Variants in SH3BP5 observed in about 807,000 individuals in gnomAD.
SH3BP5 encodes SH3 domain binding protein 5.
Under a neutral mutation model 43.3 loss-of-function variants are expected in SH3BP5, and 22 were observed. The observed-to-expected ratio is 0.51, with a 90% CI of 0.36 to 0.73. The LOEUF is 0.73. Among genes scored for constraint, SH3BP5 ranks in the 30% least tolerant of loss-of-function variants. SH3BP5 has a pLI of 0.00. For missense variants in SH3BP5, 529 were observed against 586.9 expected, an observed-to-expected ratio of 0.90 and a Z score of 1.02; for synonymous variants, 255 against 225.8, an observed-to-expected ratio of 1.13 and a Z score of -1.16.
chr3:15,328,956 C>T (rs2125145610), intron 2 of SH3BP5, among the ~76,000 whole-genome samples: 1 of 152,164 alleles, frequency 6.6e-6, no homozygotes, highest in East Asian at 1.9e-4. Flanking sequence ...GCTATTGTGA[C>T]TGAGAAATGG....
chr3:15,269,339 T>C (rs1696731674), intron 4 of SH3BP5, among the ~76,000 whole-genome samples: 6 of 152,106 alleles, frequency 3.9e-5, no homozygotes, highest in Admixed American at 2.0e-4. Flanking sequence ...GGGCTGTTCA[T>C]CAAGGTCTCC....
Position 15,257,080 on chromosome 3 carries a change from C to G in SH3BP5, c.923G>C (p.Ser308Thr). The G allele has an allele frequency of 6.2e-7, 1 of 1,614,192 alleles. No homozygotes were observed. Among genetic ancestry groups the G allele is most frequent in the Non-Finnish European group, 8.5e-7 (1 of 1,180,026 alleles). ...CGAGTCATCTTCAGACACAAAGTTG[C>G]TACAGCTGTCATCTTCAAAGGCCTC... ...ASEAFEDDSC[S>T]NFVSEDDSET... The change falls in exon 8 of 9, where the codon AGC becomes ACC. Residue 308 changes from serine to threonine, a missense_variant. This residue lies in a region of SH3BP5 where 369 missense variants were observed against 384.3 expected (regional missense o/e 0.96). Transcript: ENST00000383791.
At chr3:15,280,091 C>T (rs140460552) in intron 3 of SH3BP5, among the ~76,000 whole-genome samples, 13 of 152,158 alleles carry the variant, frequency 8.5e-5, no homozygotes, top group African/African-American at 2.9e-4. Flanking sequence ...ATGACCTGTC[C>T]CCACACTTCC....
At chr3:15,303,672 AC>A (rs547337387) in intron 3 of SH3BP5, among the ~76,000 whole-genome samples, 9 of 151,486 alleles carry the variant, frequency 5.9e-5, no homozygotes, top group Non-Finnish European at 1.3e-4. Flanking sequence ...ATAACAACTC[AC>A]CTGCCAAATC....
At chr3:15,295,909 C>T (rs1040790496) in intron 3 of SH3BP5, among the ~76,000 whole-genome samples, 2 of 152,178 alleles carry the variant, frequency 1.3e-5, no homozygotes, top group African/African-American at 4.8e-5. Flanking sequence ...ACATTCAACC[C>T]TTTGCAGCTA....
intron 5 of SH3BP5, chr3:15,260,179 C>T (rs902629133): frequency 8.0e-6 from 2 of 249,756 alleles, no homozygotes; most frequent in Admixed American, 1.0e-4. Context: ...ATGAAGTTGG[C>T]TCCCCAGGGA....
chr3:15,286,951 TCACGG>T (rs1697282191), intron 3 of SH3BP5, among the ~76,000 whole-genome samples: 1 of 152,182 alleles, frequency 6.6e-6, no homozygotes, highest in East Asian at 1.9e-4. Flanking sequence ...CTCAAGGAGC[TCACGG>T]TTCCAGGGCA....
intron 2 of SH3BP5, among the ~76,000 whole-genome samples, chr3:15,330,053 G>C (rs1310100886): frequency 6.6e-6 from 1 of 152,228 alleles, no homozygotes; most frequent in Non-Finnish European, 1.5e-5. Flanking sequence ...GAGGCGGGGG[G>C]TGAGTTATTA....
Position 15,256,900 on chromosome 3 carries a change from C to T in SH3BP5, c.1103G>A (p.Arg368Gln), listed in dbSNP as rs566960315. The change falls in exon 8 of 9, where the codon CGA (arginine) becomes CAA (glutamine). Residue 368 changes from arginine to glutamine, a missense_variant. This residue lies in a region of SH3BP5 where 369 missense variants were observed against 384.3 expected (regional missense o/e 0.96). Coordinates refer to ENST00000383791, the MANE Select transcript of SH3BP5 (RefSeq NM_004844.5). ...GGAGGAGGCCCCGCTGCATTCACTTCGAGGGCCCAACACTGGGAACATCAT... is the reference window on the plus strand; with the variant it reads ...GGAGGAGGCCCCGCTGCATTCACTTTGAGGGCCCAACACTGGGAACATCAT... Reference protein sequence around the residue: ...FGMMFPVLGPRSECSGASSPE... With the variant: ...FGMMFPVLGPQSECSGASSPE... 6 of 1,613,864 alleles carry T rather than the reference C, an allele frequency of 3.7e-6. No homozygotes were observed. The highest frequency in any genetic ancestry group is 2.2e-5 in the East Asian group (1 of 44,878).
intron 2 of SH3BP5, among the ~76,000 whole-genome samples, chr3:15,326,886 G>A (rs999515496): frequency 1.3e-4 from 20 of 152,152 alleles, no homozygotes; most frequent in African/African-American, 4.8e-4. Flanking sequence ...GTGGCCCTGA[G>A]TTCAATGCTA....
chr3:15,277,031 A>C (rs986634401), intron 3 of SH3BP5, among the ~76,000 whole-genome samples: 1 of 151,996 alleles, frequency 6.6e-6, no homozygotes, highest in Admixed American at 6.6e-5. Flanking sequence ...GCTCACTGCA[A>C]TCTCCACCTC....
chr3:15,329,127 G>A (rs1698536666), intron 2 of SH3BP5, among the ~76,000 whole-genome samples: 1 of 151,046 alleles, frequency 6.6e-6, no homozygotes, highest in East Asian at 2.0e-4. Context: ...CCCAGCCTGG[G>A]CGACAGAGTA....
Position 15,255,932 on chromosome 3 carries a change from G to C in SH3BP5, c.*154C>G, listed in dbSNP as rs1038989037. ...CCAGCCCAAGAGCTCTTACCCAGAA[G>C]AACAATCTTTAGCCCTCAAGGTCAC... On this transcript the variant is annotated 3_prime_UTR_variant, in exon 9 of 9. Coordinates refer to ENST00000383791, the MANE Select transcript of SH3BP5 (RefSeq NM_004844.5). 4.3e-6 allele frequency: 3 copies of C among 705,358 alleles called. No homozygotes were observed. The highest frequency in any genetic ancestry group is 1.8e-5 in the South Asian group (1 of 56,012). 43.7% of individuals were successfully genotyped at this position (705,358 alleles called of 1,614,324 possible).
chr3:15,259,882 C>A, intron 5 of SH3BP5, 79 bp from the exon 6 acceptor site: 1 of 1,299,238 alleles, frequency 7.7e-7, no homozygotes, highest in Non-Finnish European at 1.1e-6. Context: ...GAACAAGAGG[C>A]ATCAGCTACC....
At chr3:15,334,070 C>A (rs1698671590), upstream of SH3BP5, among the ~76,000 whole-genome samples, 1 of 152,144 alleles carries the variant, frequency 6.6e-6, no homozygotes, top group East Asian at 1.9e-4. Flanking sequence ...TGGGGTCAGC[C>A]CTGACTATGA....
At chr3:15,299,483 ATTTTTTT>A (rs60281447) in intron 3 of SH3BP5, among the ~76,000 whole-genome samples, 1,308 of 92,222 alleles carry the variant, frequency 0.014, 19 homozygotes, top group African/African-American at 0.026. Context: ...CAACAATTAG[ATTTTTTT>A]TTTTTTTTTT....
chr3:15,257,129 A>C lies in SH3BP5; in HGVS notation c.890-16T>G, dbSNP rs1186915930. 6.2e-7 allele frequency: 1 copy of C among 1,609,614 alleles called. No individual in the cohort carries two copies. The highest frequency in any genetic ancestry group is 8.5e-7 in the Non-Finnish European group (1 of 1,176,830). On this transcript the variant is annotated splice_polypyrimidine_tract_variant and intron_variant, in intron 7 of 8. Transcript: ENST00000383791. Reference sequence around the variant, plus strand: ...TCCGAGGCCACTAAGTTGAGAGAGAACACCAGTCACATGGGTTCTGTCACC... The same window carrying C: ...TCCGAGGCCACTAAGTTGAGAGAGACCACCAGTCACATGGGTTCTGTCACC...
Position 15,255,921 on chromosome 3 carries a change from C to G in SH3BP5, c.*165G>C. 1 of 669,760 alleles carries G rather than the reference C, an allele frequency of 1.5e-6. No individual in the cohort carries two copies. Among genetic ancestry groups the G allele is most frequent in the Non-Finnish European group, 2.6e-6 (1 of 386,386 alleles). The allele number at this position is 669,760 out of a possible 1,614,324, so 41.5% of individuals were successfully genotyped here. ...GCTCTGAAAAACCAGCCCAAGAGCT[C>G]TTACCCAGAAGAACAATCTTTAGCC... On this transcript the variant is annotated 3_prime_UTR_variant, in exon 9 of 9. Transcript: ENST00000383791.
chr3:15,285,050 A>C (rs1326070857), intron 3 of SH3BP5, among the ~76,000 whole-genome samples: 5 of 152,220 alleles, frequency 3.3e-5, no homozygotes, highest in African/African-American at 1.2e-4. Flanking sequence ...TGTGTCCTGG[A>C]AAGTCTTATG....
Sources: allele counts gnomAD v4.1 joint callset (sites outside exome capture counted in the v4.1 genomes callset), GRCh38; gene constraint gnomAD v4.1.1; regional missense constraint gnomAD v4.1.1; transcripts MANE v1.5; gene names NCBI Gene and HGNC (gene_info 2026-07-23, HGNC 2026-07-21).